Variants in DAAM1 observed in about 807,000 individuals in gnomAD.
The protein encoded by DAAM1 is disheveled-associated activator of morphogenesis 1.
In DAAM1, 52 loss-of-function variants were observed where a neutral mutation model predicts 130.0. That is an observed-to-expected ratio of 0.40 (90% CI 0.32 to 0.50). The LOEUF is 0.50. Ranked by LOEUF, DAAM1 falls within the 20% of genes least tolerant of loss-of-function variation. DAAM1 has a pLI of 0.61. For missense variants in DAAM1, 1,134 were observed against 1,303.8 expected (o/e 0.87, Z 2.01); for synonymous variants, 452 against 444.5 (o/e 1.02, Z -0.21).
intron 1 of DAAM1, among the ~76,000 whole-genome samples, chr14:59,241,670 G>C (rs753869490): frequency 1.3e-5 from 2 of 152,180 alleles, no homozygotes; most frequent in African/African-American, 4.8e-5. Context: ...GCAGAAGGAA[G>C]AGCTTCCCTG....
At chr14:59,194,242 A>C (rs1225484323) in intron 1 of DAAM1, among the ~76,000 whole-genome samples, 1 of 152,216 alleles carries the variant, frequency 6.6e-6, no homozygotes, top group African/African-American at 2.4e-5. Context: ...GTGCTGGGTC[A>C]GTAAGTCCTG....
chr14:59,269,901 AG>A (rs1882635480), intron 2 of DAAM1, among the ~76,000 whole-genome samples: 1 of 152,156 alleles, frequency 6.6e-6, no homozygotes, highest in African/African-American at 2.4e-5. Flanking sequence ...AGGAAGCTAG[AG>A]GGATTGGAGA....
chr14:59,363,501 C>T, intron 22 of DAAM1, 150 bp from the exon 23 acceptor site: 3 of 1,111,774 alleles, frequency 2.7e-6, no homozygotes, highest in Non-Finnish European at 3.8e-6. Context: ...AGGGCAGGGG[C>T]ACTAGAGTAT....
intron 1 of DAAM1, among the ~76,000 whole-genome samples, chr14:59,236,238 G>C (rs546933955): frequency 6.6e-6 from 1 of 152,124 alleles, no homozygotes; most frequent in East Asian, 1.9e-4. Flanking sequence ...AGTTGTAGTA[G>C]AATGACTAGT....
intron 2 of DAAM1, among the ~76,000 whole-genome samples, chr14:59,284,080 G>A (rs1883340596): frequency 6.6e-6 from 1 of 152,040 alleles, no homozygotes; most frequent in South Asian, 2.1e-4. Context: ...AGTGATTTAA[G>A]GAACCTTCCT....
chr14:59,252,625 A>G (rs1881699378), intron 1 of DAAM1, among the ~76,000 whole-genome samples: 2 of 152,212 alleles, frequency 1.3e-5, no homozygotes, highest in South Asian at 2.1e-4. Context: ...GCTGATACAC[A>G]CAGGAATGTC....
intron 2 of DAAM1, among the ~76,000 whole-genome samples, chr14:59,285,073 C>G (rs1329691864): frequency 9.2e-5 from 14 of 152,108 alleles, no homozygotes; most frequent in Non-Finnish European, 2.1e-4. Context: ...GGGAAGGTCA[C>G]TTACAAAGGA....
chr14:59,331,289 T>G lies in DAAM1; in HGVS notation c.1641T>G (p.Ser547=), dbSNP rs1885422823. ...CCTTTCCTTCCTCTGTGCCTGGATC[T>G]CTCCTTCCTCCCCCACCACCCCCAC... ...GGPFPSSVPG[S]LLPPPPPPPL... is the part of the protein sequence containing the mutation. Residue 547 remains serine, a synonymous_variant, in exon 14 of 25, where the codon TCT becomes TCG. Coordinates refer to ENST00000360909, the MANE Select transcript of DAAM1 (RefSeq NM_001270520.2). 1.9e-6 allele frequency: 3 copies of G among 1,612,426 alleles called. No individual in the cohort carries two copies. The highest frequency in any genetic ancestry group is 1.1e-5 in the South Asian group (1 of 90,992).
intron 3 of DAAM1, among the ~76,000 whole-genome samples, chr14:59,305,951 T>A (rs2139591056): frequency 6.6e-6 from 1 of 152,352 alleles, no homozygotes; most frequent in East Asian, 1.9e-4. Flanking sequence ...CTCAAGGAAA[T>A]GTCTCAAAGG....
intron 4 of DAAM1, 119 bp downstream of exon 4, chr14:59,315,470 C>A: frequency 1.1e-6 from 1 of 922,510 alleles, no homozygotes; most frequent in Non-Finnish European, 1.7e-6. Flanking sequence ...CCTTTCCAAA[C>A]TCCATCCTAA....
intron 1 of DAAM1, among the ~76,000 whole-genome samples, chr14:59,216,948 C>T (rs1055151367): frequency 1.3e-5 from 2 of 151,384 alleles, no homozygotes; most frequent in African/African-American, 4.9e-5. Flanking sequence ...TGTAGCCCAG[C>T]GATGCTTGAA....
chr14:59,193,432 A>AT lies in DAAM1; in HGVS notation c.-38+4674dup, dbSNP rs113549446. 3.2e-3 allele frequency among the ~76,000 whole-genome samples: 483 copies of AT among 150,320 alleles called. 2 individuals carry two copies. The highest frequency in any genetic ancestry group is 0.01 in the African/African-American group (424 of 40,928). ...TAGTGACCTATATTTCATCCAGCAG[A>AT]TTTTTTTTTTCAGAAATAAAAGGTT... On this transcript the variant is annotated intron_variant, in intron 1 of 24. Transcript: ENST00000360909.
intron 14 of DAAM1, 152 bp downstream of exon 14, chr14:59,331,660 G>A (rs921331108): frequency 2.0e-6 from 3 of 1,499,390 alleles, no homozygotes; most frequent in Non-Finnish European, 2.7e-6. Flanking sequence ...AAGTGATAAA[G>A]CTTCTGAAAT....
chr14:59,305,022 A>G (rs1375469932), intron 3 of DAAM1, among the ~76,000 whole-genome samples: 1 of 152,228 alleles, frequency 6.6e-6, no homozygotes, highest in African/African-American at 2.4e-5. Context: ...ACTTTATGAC[A>G]TTCTGAAAGG....
At chr14:59,195,960 T>C (rs1190794639) in intron 1 of DAAM1, among the ~76,000 whole-genome samples, 1 of 152,000 alleles carries the variant, frequency 6.6e-6, no homozygotes, top group African/African-American at 2.4e-5. Context: ...CAGCTATCAC[T>C]ACTAAGGGCA....
chr14:59,256,959 A>T (rs1364376501), intron 1 of DAAM1, among the ~76,000 whole-genome samples: 2 of 152,236 alleles, frequency 1.3e-5, no homozygotes, highest in Non-Finnish European at 2.9e-5. Context: ...AAAAGATTTT[A>T]TCAGCGAGTC....
intron 15 of DAAM1, among the ~76,000 whole-genome samples, chr14:59,337,340 A>G (rs112758437): frequency 1.1e-3 from 175 of 152,332 alleles, no homozygotes; most frequent in African/African-American, 4.0e-3. Context: ...ATGCCATTCT[A>G]GAAAAGCAGT....
chr14:59,312,981 T>A (rs1254913021), intron 3 of DAAM1, among the ~76,000 whole-genome samples: 1 of 152,212 alleles, frequency 6.6e-6, no homozygotes, highest in East Asian at 1.9e-4. Context: ...CAGGAAATCT[T>A]GTCCATGAAT....
intron 1 of DAAM1, among the ~76,000 whole-genome samples, chr14:59,246,215 ATTTCC>A (rs891181161): frequency 3.3e-5 from 5 of 152,020 alleles, no homozygotes; most frequent in Non-Finnish European, 7.4e-5. Context: ...AAAATTCCCC[ATTTCC>A]TGCTCCCCTG....
Sources: gnomAD v4.1 joint callset for allele counts (sites outside exome capture counted in the v4.1 genomes callset) on GRCh38, gnomAD v4.1.1 for gene constraint, MANE v1.5 for transcripts, NCBI Gene and HGNC (gene_info 2026-07-23, HGNC 2026-07-21) for gene names.